Variants in LPCAT2 observed in about 807,000 individuals in gnomAD.
LPCAT2 encodes the protein lysophosphatidylcholine acyltransferase 2, also known as 1-AGP acyltransferase 11.
A neutral mutation model predicts 64.7 loss-of-function variants in LPCAT2; 58 were observed. The observed-to-expected ratio is 0.90, with a 90% CI of 0.73 to 1.12. LPCAT2 has a LOEUF of 1.12. Among genes scored for constraint, LPCAT2 ranks in the 50% most tolerant of loss-of-function variants. LPCAT2 has a pLI of 0.00. For synonymous variants in LPCAT2, 252 were observed against 245.3 expected, an observed-to-expected ratio of 1.03 and a Z score of -0.26; for missense variants, 579 against 669.8, an observed-to-expected ratio of 0.86 and a Z score of 1.50.
chr16:55,544,996 C>T (rs563521620), intron 8 of LPCAT2, among the ~76,000 whole-genome samples: 7 of 152,104 alleles, frequency 4.6e-5, no homozygotes, highest in Non-Finnish European at 7.4e-5. Flanking sequence ...TTCTTTAGAG[C>T]AGGAAATAGG....
At chr16:55,532,106 C>T (rs1032646226) in intron 5 of LPCAT2, 132 bp downstream of exon 5, 45 of 633,472 alleles carry the variant, frequency 7.1e-5, no homozygotes, top group Admixed American at 3.2e-4. Flanking sequence ...AACTTTTTAA[C>T]GTTGTGGATC....
chr16:55,575,631 C>T (rs1963818930), intron 12 of LPCAT2, among the ~76,000 whole-genome samples: 1 of 152,142 alleles, frequency 6.6e-6, no homozygotes, highest in African/African-American at 2.4e-5. Context: ...AGAAGAATGT[C>T]TCCCTGCAAT....
At chr16:55,572,149 G>C (rs1963777302) in intron 11 of LPCAT2, among the ~76,000 whole-genome samples, 1 of 152,108 alleles carries the variant, frequency 6.6e-6, no homozygotes, top group East Asian at 1.9e-4. Flanking sequence ...TAGGGGTCCA[G>C]AATGTTACCT....
chr16:55,581,054 T>C (rs1283419951), intron 13 of LPCAT2, among the ~76,000 whole-genome samples: 1 of 152,172 alleles, frequency 6.6e-6, no homozygotes, highest in Non-Finnish European at 1.5e-5. Context: ...AGTTTTCCAT[T>C]ATCTAAATTA....
chr16:55,562,578 G>A (rs1173978729), intron 11 of LPCAT2, among the ~76,000 whole-genome samples: 1 of 151,838 alleles, frequency 6.6e-6, no homozygotes, highest in Non-Finnish European at 1.5e-5. Context: ...ATTGATAGTA[G>A]AAATGTGAAC....
Position 55,579,203 on chromosome 16 carries a change from G to T in LPCAT2, c.1409G>T (p.Gly470Val), listed in dbSNP as rs531176975. 1 of 1,613,418 alleles carries T rather than the reference G, an allele frequency of 6.2e-7. No individual in the cohort carries two copies. The highest frequency in any genetic ancestry group is 8.5e-7 in the Non-Finnish European group (1 of 1,179,626). ...GGAGTGCCTGACCTTGATGTTTCTG[G>T]TCTCTTCAAGGAAATAGCCCAAGGG... The part of the protein sequence containing the change: ...SLGVPDLDVS[G>V]LFKEIAQGDS... Residue 470 changes from glycine (G) to valine (V), a missense_variant, in exon 13 of 14, where the codon GGT becomes GTT. Physicochemically the swap from Gly to Val is moderately radical, Grantham distance 109. Transcript: ENST00000262134.
intron 11 of LPCAT2, among the ~76,000 whole-genome samples, chr16:55,570,181 A>C (rs1187381183): frequency 1.3e-5 from 2 of 152,216 alleles, no homozygotes; most frequent in Admixed American, 1.3e-4. Flanking sequence ...AAAAGGAAAA[A>C]GAATCATGTG....
chr16:55,536,609 A>T (rs151213930), intron 7 of LPCAT2, among the ~76,000 whole-genome samples: 1 of 152,214 alleles, frequency 6.6e-6, no homozygotes, highest in Admixed American at 6.5e-5. Context: ...AAGCTCCTAC[A>T]TTCCTTAAAT....
At chr16:55,543,131 T>C (rs1403914583) in intron 8 of LPCAT2, among the ~76,000 whole-genome samples, 1 of 152,114 alleles carries the variant, frequency 6.6e-6, no homozygotes, top group African/African-American at 2.4e-5. Context: ...CTAGGAGAGG[T>C]GACTTTTTAT....
Position 55,545,819 on chromosome 16 carries a change from T to C in LPCAT2, c.935+2T>C, listed in dbSNP as rs781380931. Reference sequence around the variant, plus strand: ...TAAAGTCCGGAATTTAATGGCAGAGTAAGTGTCTATATTTGATTATAACTC... The same window carrying C: ...TAAAGTCCGGAATTTAATGGCAGAGCAAGTGTCTATATTTGATTATAACTC... On this transcript the variant is annotated splice_donor_variant, in intron 9 of 13. Transcript: ENST00000262134. LOFTEE classifies it high-confidence loss of function. The C allele has an allele frequency of 6.3e-7, 1 of 1,593,114 alleles. No individual in the cohort carries two copies. Among genetic ancestry groups the C allele is most frequent in the Non-Finnish European group, 8.6e-7 (1 of 1,162,556 alleles).
chr16:55,567,130 G>A lies in LPCAT2; in HGVS notation c.1216-7501G>A, dbSNP rs146637108. 1.5e-3 allele frequency: 2,451 copies of A among 1,613,756 alleles called. 4 individuals are homozygous for A. The highest frequency in any genetic ancestry group is 1.9e-3 in the Non-Finnish European group (2,205 of 1,179,876). ...GACGGTTTTAGTCTTGACACCTGCC[G>A]GAGCATTGTGTCTGTCATGGACAGT... On this transcript the variant is annotated intron_variant, in intron 11 of 13. Transcript: ENST00000262134.
At chr16:55,540,284 A>G (rs1213667941) in intron 8 of LPCAT2, 2 of 152,222 alleles carry the variant, frequency 1.3e-5, no homozygotes, top group East Asian at 3.8e-4. Flanking sequence ...TCCTTGAACA[A>G]TGATGAAGTT....
intron 1 of LPCAT2, 123 bp downstream of exon 1, chr16:55,509,475 T>C: frequency 1.0e-6 from 1 of 954,670 alleles, no homozygotes; most frequent in Non-Finnish European, 1.3e-6. Flanking sequence ...TCTGAGGGAG[T>C]GAGGTGGTCC....
Position 55,582,911 on chromosome 16 carries a change from T to C in LPCAT2, c.1451-3T>C. 1 of 1,599,888 alleles carries C rather than the reference T, an allele frequency of 6.3e-7. No individual in the cohort carries two copies. The highest frequency in any genetic ancestry group is 8.5e-7 in the Non-Finnish European group (1 of 1,169,910). On this transcript the variant is annotated splice_region_variant and splice_polypyrimidine_tract_variant and intron_variant, in intron 13 of 13. Coordinates refer to ENST00000262134, the MANE Select transcript of LPCAT2 (RefSeq NM_017839.5). ...TATTGGATTTTTTTTCTTTCTCTTC[T>C]AGAGGAATTTAAAAGTTTTGCCTTA...
Position 55,509,137 on chromosome 16 carries a change from C to T in LPCAT2, c.-45C>T. The T allele has an allele frequency of 1.5e-6, 2 of 1,298,770 alleles. No individual in the cohort carries two copies. The highest frequency in any genetic ancestry group is 2.0e-6 in the Non-Finnish European group (2 of 1,018,860). 80.5% of individuals were successfully genotyped at this position (1,298,770 alleles called of 1,614,324 possible). On this transcript the variant is annotated 5_prime_UTR_variant, in exon 1 of 14. Transcript: ENST00000262134. ...GTCTTCGGCTCAGTTTTGGCTGCAG[C>T]GCCCGCGTAGATCGCTTCGGCCGGG... is the stretch of plus-strand genomic sequence containing the variant.
intron 1 of LPCAT2, among the ~76,000 whole-genome samples, chr16:55,518,277 TTAAA>T (rs1963042026): frequency 1.3e-5 from 2 of 151,632 alleles, no homozygotes; most frequent in African/African-American, 4.9e-5. Context: ...TAGAGACGAC[TTAAA>T]TAAATGGGAA....
intron 4 of LPCAT2, among the ~76,000 whole-genome samples, chr16:55,531,432 A>G (rs1300225745): frequency 6.6e-6 from 1 of 152,196 alleles, no homozygotes; most frequent in African/African-American, 2.4e-5. Flanking sequence ...TATGTCAACT[A>G]ATTCAAGTAA....
chr16:55,574,788 A>G (rs1005976083), intron 12 of LPCAT2, 59 bp downstream of exon 12: 1 of 1,216,374 alleles, frequency 8.2e-7, no homozygotes, highest in Non-Finnish European at 1.2e-6. Context: ...GTTGACTCTA[A>G]GTGTATTATT....
intron 11 of LPCAT2, among the ~76,000 whole-genome samples, chr16:55,570,149 C>G (rs1292501545): frequency 1.3e-5 from 2 of 151,928 alleles, no homozygotes; most frequent in Non-Finnish European, 2.9e-5. Flanking sequence ...TGATATAATC[C>G]ACTAAATTTT....
Sources: allele counts gnomAD v4.1 joint callset (sites outside exome capture counted in the v4.1 genomes callset), GRCh38; gene constraint gnomAD v4.1.1; transcripts MANE v1.5; gene names NCBI Gene and HGNC (gene_info 2026-07-23, HGNC 2026-07-21).